STAT2: variants seen among roughly 807,000 people sequenced by gnomAD.
STAT2 encodes the protein interferon alpha induced transcriptional activator.
A neutral mutation model predicts 122.3 loss-of-function variants in STAT2; 51 were observed. That is an observed-to-expected ratio of 0.42 (90% CI 0.33 to 0.53). STAT2 has a LOEUF of 0.53. Among genes scored for constraint, STAT2 ranks in the 20% least tolerant of loss-of-function variants. STAT2 has a pLI of 0.10. For missense variants in STAT2, 736 were observed against 1,010.3 expected (o/e 0.73, Z 3.68); for synonymous variants, 351 against 394.9 (o/e 0.89, Z 1.32).
chr12:56,356,612 A>G (rs919982263), intron 1 of STAT2, 34 bp from the exon 2 acceptor site: 10 of 1,609,716 alleles, frequency 6.2e-6, no homozygotes, highest in Non-Finnish European at 8.5e-6. Context: ...CCAATTGGAT[A>G]TTTTGCTGGA....
chr12:56,359,871 T>C (rs1243372119), intron 1 of STAT2, among the ~76,000 whole-genome samples, 187 bp downstream of exon 1: 1 of 152,070 alleles, frequency 6.6e-6, no homozygotes, highest in Non-Finnish European at 1.5e-5. Context: ...GAGAGGGGCA[T>C]TAGGGTTAGG....
intron 12 of STAT2, 47 bp from the exon 13 acceptor site, chr12:56,350,237 A>G: frequency 6.6e-7 from 1 of 1,521,550 alleles, no homozygotes; most frequent in South Asian, 1.2e-5. Context: ...GAATTATTCT[A>G]AAAACTCAGC....
In STAT2 at chr12:56,350,426, A is replaced by G; in HGVS notation, c.1101T>C (p.Pro367=). 6.2e-7 allele frequency: 1 copy of G among 1,606,718 alleles called. No homozygotes were observed. Among genetic ancestry groups the G allele is most frequent in the Non-Finnish European group, 8.5e-7 (1 of 1,177,620 alleles). The change falls in exon 12 of 24, where the codon CCT becomes CCC. Residue 367 remains proline (P), a synonymous_variant. Transcript: ENST00000314128. ...LTVEVSIDRN[P]PQLQGFRKFN... ...CAAGCACCTACCCTTGTAATTGAGG[A>G]GGATTCCTGAAAAGAAATAAATTTA...
At position 56,344,642 on chromosome 12, in the gene STAT2, G is replaced by A. The variant is rs371922975; in HGVS notation, c.2103-507C>T. ...TCCAAGCACTTTGGGAGGCTGAGGCGGGCAGATCACTTGAGGCCAGGAGCT... is the reference window on the plus strand; with the variant it reads ...TCCAAGCACTTTGGGAGGCTGAGGCAGGCAGATCACTTGAGGCCAGGAGCT... On this transcript the variant is annotated intron_variant, in intron 22 of 23. Transcript: ENST00000314128. Among the ~76,000 whole-genome samples the A allele has an allele frequency of 2.3e-3, 346 of 152,246 alleles. 1 individual carries two copies. The highest frequency in any genetic ancestry group is 6.7e-3 in the African/African-American group (280 of 41,544).
In STAT2 at chr12:56,360,076, C is replaced by G; in HGVS notation, c.-26G>C. The G allele has an allele frequency of 1.0e-6, 1 of 985,396 alleles. No homozygotes were observed. Among genetic ancestry groups the G allele is most frequent in the Non-Finnish European group, 1.2e-6 (1 of 829,946 alleles). The allele number at this position is 985,396 out of a possible 1,614,324, so 61.0% of individuals were successfully genotyped here. ...CCCGTACCTGATTAGGGTTGCAGTC[C>G]CCGCGCCCTCCAATGGCTCTGGTCG... On this transcript the variant is annotated 5_prime_UTR_variant, in exon 1 of 24. Transcript: ENST00000314128.
chr12:56,351,232 C>G (rs2643640), intron 9 of STAT2, 42 bp from the exon 10 acceptor site: 1 of 1,611,556 alleles, frequency 6.2e-7, no homozygotes, highest in Admixed American at 1.7e-5. Flanking sequence ...AGCTCAGTAT[C>G]TGTAAGAATG....
intron 1 of STAT2, among the ~76,000 whole-genome samples, chr12:56,358,526 G>A (rs961782762): frequency 6.6e-6 from 1 of 152,170 alleles, no homozygotes; most frequent in Non-Finnish European, 1.5e-5. Context: ...GATTACAGGG[G>A]TGAACCACCA....
chr12:56,346,935 C>A lies in STAT2; in HGVS notation c.1745G>T (p.Ser582Ile). 6.2e-7 allele frequency: 1 copy of A among 1,614,156 alleles called. No homozygotes were observed. The highest frequency in any genetic ancestry group is 8.5e-7 in the Non-Finnish European group (1 of 1,180,014). ...CAGCAGCCGGCGCTCCTGGCTCCGA[C>A]TCACAAAGCCCATGATGCGTCTGGA... is the stretch of plus-strand genomic sequence containing the variant. ...WNDGRIMGFV[S>I]RSQERRLLKK... is the part of the protein sequence containing the mutation. Residue 582 changes from serine to isoleucine, a missense_variant, in exon 20 of 24, where the codon AGT becomes ATT. Ser to Ile is a moderately radical substitution (Grantham distance 142). Coordinates refer to ENST00000314128, the MANE Select transcript of STAT2 (RefSeq NM_005419.4).
At position 56,349,513 on chromosome 12, in the gene STAT2, G is replaced by A. The variant is rs1360587836; in HGVS notation, c.1258-4C>T. The A allele has an allele frequency of 1.2e-6, 2 of 1,614,132 alleles. No homozygotes were observed. The highest frequency in any genetic ancestry group is 3.3e-5 in the Admixed American group (2 of 59,996). Reference sequence around the variant, plus strand: ...CCTCTGTCACACCTAGTGGCCCCTGGGACAGCCAAAGACATAGTCATCAGA... The same window carrying A: ...CCTCTGTCACACCTAGTGGCCCCTGAGACAGCCAAAGACATAGTCATCAGA... On this transcript the variant is annotated splice_region_variant and splice_polypyrimidine_tract_variant and intron_variant, in intron 14 of 23. Coordinates refer to ENST00000314128, the MANE Select transcript of STAT2 (RefSeq NM_005419.4).
intron 12 of STAT2, 102 bp from the exon 13 acceptor site, chr12:56,350,292 T>C: frequency 1.4e-6 from 2 of 1,431,774 alleles, no homozygotes; most frequent in Non-Finnish European, 1.9e-6. Context: ...GATCTCGCCA[T>C]CTCCCTTTGT....
At chr12:56,355,905 C>T (rs1004224371) in intron 3 of STAT2, 102 bp from the exon 4 acceptor site, 42 of 1,353,874 alleles carry the variant, frequency 3.1e-5, no homozygotes, top group East Asian at 1.6e-4. Context: ...CCTCCTCCTT[C>T]GGGGTTCTTA....
chr12:56,348,162 A>G (rs1043811551), intron 19 of STAT2, among the ~76,000 whole-genome samples: 1 of 140,964 alleles, frequency 7.1e-6, no homozygotes, highest in Non-Finnish European at 1.5e-5. Flanking sequence ...ATCTCGGCTC[A>G]CTGCAAGCTC....
chr12:56,344,576 T>A (rs2136035464), intron 22 of STAT2, among the ~76,000 whole-genome samples: 1 of 152,294 alleles, frequency 6.6e-6, no homozygotes, highest in African/African-American at 2.4e-5. Context: ...GCCTGGCGCA[T>A]AATAAACTCT....
chr12:56,348,486 C>G, intron 19 of STAT2, 43 bp downstream of exon 19: 1 of 1,606,690 alleles, frequency 6.2e-7, no homozygotes, highest in Non-Finnish European at 8.5e-7. Flanking sequence ...CTCTCAAGCC[C>G]GGAAAGCACA....
chr12:56,354,958 G>A (rs1000315746), intron 6 of STAT2, 95 bp from the exon 7 acceptor site: 1 of 1,313,026 alleles, frequency 7.6e-7, no homozygotes, highest in Admixed American at 2.0e-5. Context: ...TTTTGTGGAG[G>A]AAGAAAGGGA....
rs756315549 is a variant in STAT2, at chr12:56,350,208, T to C, written c.1116-18A>G. 2 of 1,581,616 alleles carry C rather than the reference T, an allele frequency of 1.3e-6. No individual in the cohort carries two copies. The highest frequency in any genetic ancestry group is 1.7e-6 in the Non-Finnish European group (2 of 1,162,740). On this transcript the variant is annotated intron_variant, in intron 12 of 23. Coordinates refer to ENST00000314128, the MANE Select transcript of STAT2 (RefSeq NM_005419.4). Reference sequence around the variant, plus strand: ...TCCGGAAGCTGTTCCAGGAGGAAGATACATGGAGACAAGGAATGGAATTAT... The same window carrying C: ...TCCGGAAGCTGTTCCAGGAGGAAGACACATGGAGACAAGGAATGGAATTAT...
rs747571364 is a variant in STAT2, at chr12:56,348,925, G to T, written c.1575C>A (p.Phe525Leu). The change falls in exon 17 of 24, where the codon TTC becomes TTA. Residue 525 changes from phenylalanine (F) to leucine (L), a missense_variant and splice_region_variant. Coordinates refer to ENST00000314128, the MANE Select transcript of STAT2 (RefSeq NM_005419.4). ...GCTGAGAGAAAAGGAAATCTGTACC[G>T]AACAGCTTGTTTCTCAGCATGCTCA... is the stretch of plus-strand genomic sequence containing the variant. ...DQLSMLRNKLFGQNCRTEDPL... is the reference protein window; with the variant it reads ...DQLSMLRNKLLGQNCRTEDPL... The T allele has an allele frequency of 6.2e-7, 1 of 1,613,258 alleles. No homozygotes were observed. Among genetic ancestry groups the T allele is most frequent in the Admixed American group, 1.7e-5 (1 of 59,958 alleles).
intron 3 of STAT2, 46 bp from the exon 4 acceptor site, chr12:56,355,849 A>C: frequency 1.1e-4 from 167 of 1,569,120 alleles, no homozygotes; most frequent in Non-Finnish European, 1.3e-4. Context: ...AACCACTCTC[A>C]ATGACCTATT....
intron 1 of STAT2, among the ~76,000 whole-genome samples, 185 bp from the exon 2 acceptor site, chr12:56,356,763 G>A (rs894399568): frequency 7.9e-5 from 12 of 152,120 alleles, no homozygotes; most frequent in African/African-American, 2.7e-4. Flanking sequence ...CTCTCCAGAA[G>A]TAACCACTGC....
Sources: allele counts gnomAD v4.1 joint callset (sites outside exome capture counted in the v4.1 genomes callset), GRCh38; gene constraint gnomAD v4.1.1; transcripts MANE v1.5; gene names NCBI Gene and HGNC (gene_info 2026-07-23, HGNC 2026-07-21).